Variants in INPP5D observed in about 807,000 individuals in gnomAD.
INPP5D encodes phosphatidylinositol 3,4,5-trisphosphate 5-phosphatase 1.
INPP5D carries 33 observed loss-of-function variants against 122.9 expected under a neutral mutation model. The ratio of observed to expected loss-of-function variants is 0.27; its 90% CI spans 0.20 to 0.36. The LOEUF is 0.36. INPP5D is among the 10% of genes least tolerant of loss of function. INPP5D has a pLI of 1.00. For missense variants in INPP5D, 1,053 were observed against 1,412.7 expected, an observed-to-expected ratio of 0.75 and a Z score of 4.08; for synonymous variants, 584 against 576.2, an observed-to-expected ratio of 1.01 and a Z score of -0.19.
intron 20 of INPP5D, 86 bp from the exon 21 acceptor site, chr2:233,185,757 A>C: frequency 1.9e-6 from 2 of 1,047,496 alleles, no homozygotes; most frequent in Non-Finnish European, 2.5e-6. Context: ...ACATCTTCCT[A>C]GGTCTGGGTG....
intron 3 of INPP5D, 90 bp downstream of exon 3, chr2:233,122,347 T>G: frequency 5.2e-6 from 7 of 1,355,500 alleles, no homozygotes; most frequent in Non-Finnish European, 7.1e-6. Flanking sequence ...TGAGTCCTAT[T>G]ATCAGAGGGA....
intron 3 of INPP5D, among the ~76,000 whole-genome samples, chr2:233,123,574 A>G (rs1182535363): frequency 1.3e-5 from 2 of 152,232 alleles, no homozygotes; most frequent in East Asian, 3.8e-4. Flanking sequence ...GCAGAGAAGG[A>G]GCTTACCTGG....
Position 233,170,959 on chromosome 2 carries a change from T to A in INPP5D, c.1901-105T>A. 177 of 1,082,258 alleles carry A rather than the reference T, an allele frequency of 1.6e-4. No individual in the cohort carries two copies. Among genetic ancestry groups the A allele is most frequent in the Middle Eastern group, 2.2e-4 (1 of 4,610 alleles). The allele number at this position is 1,082,258 out of a possible 1,614,324, so 67.0% of individuals were successfully genotyped here. A position where few individuals can be genotyped will look rare whatever the true frequency, so the allele number is the denominator to read the frequency against. ...TCTCCTCTTGGAGCCTTTCCAGCCATCCTTTCGTCCCCTTTCCCCTGATTT... is the reference window on the plus strand; with the variant it reads ...TCTCCTCTTGGAGCCTTTCCAGCCAACCTTTCGTCCCCTTTCCCCTGATTT... On this transcript the variant is annotated intron_variant, in intron 16 of 26. Coordinates refer to ENST00000445964, the MANE Select transcript of INPP5D (RefSeq NM_001017915.3). This position sits in a 1 kb window ranked among gnomAD's most constrained non-coding sequence, Gnocchi z 4.5.
At chr2:233,088,384 T>C (rs183548581) in intron 2 of INPP5D, among the ~76,000 whole-genome samples, 3 of 152,240 alleles carry the variant, frequency 2.0e-5, no homozygotes, top group Non-Finnish European at 2.9e-5. Flanking sequence ...TCCTGGGTCA[T>C]AAAGGCCTTG....
intron 6 of INPP5D, 103 bp from the exon 7 acceptor site, chr2:233,146,059 G>T (rs776077362): frequency 1.1e-5 from 8 of 703,622 alleles, no homozygotes; most frequent in Non-Finnish European, 2.1e-5. Context: ...TGGGGCTGCG[G>T]GGAGGCTGGA....
At chr2:233,199,061 C>A (rs13009927) in intron 25 of INPP5D, among the ~76,000 whole-genome samples, 1 of 151,878 alleles carries the variant, frequency 6.6e-6, no homozygotes, top group Non-Finnish European at 1.5e-5. Flanking sequence ...TCCAGCCTGG[C>A]CAACGTGGTG....
intron 18 of INPP5D, among the ~76,000 whole-genome samples, chr2:233,181,761 C>T (rs751679670): frequency 1.3e-5 from 2 of 152,148 alleles, no homozygotes; most frequent in Non-Finnish European, 2.9e-5. Flanking sequence ...GCTGAGTGGC[C>T]TTAAGTCCCC....
In INPP5D at chr2:233,204,384, G is replaced by T. The variant is rs764906056; in HGVS notation, c.3234G>T (p.Val1078=). Reference sequence around the variant, plus strand: ...GCGGCGAGGGGCCCGGCAAGCAGGTGCCCGCGCCCCGGCTGCGCTCCTTCA... The same window carrying T: ...GCGGCGAGGGGCCCGGCAAGCAGGTTCCCGCGCCCCGGCTGCGCTCCTTCA... ...ADRGEGPGKQ[V]PAPRLRSFTC... The change falls in exon 26 of 27, where the codon GTG becomes GTT. Residue 1078 remains valine, a synonymous_variant. Coordinates refer to ENST00000445964, the MANE Select transcript of INPP5D (RefSeq NM_001017915.3). 1.2e-6 allele frequency: 2 copies of T among 1,610,368 alleles called. No homozygotes were observed. The highest frequency in any genetic ancestry group is 4.5e-5 in the East Asian group (2 of 44,802).
intron 22 of INPP5D, among the ~76,000 whole-genome samples, chr2:233,191,645 G>A (rs887472299): frequency 3.9e-5 from 6 of 152,140 alleles, no homozygotes; most frequent in African/African-American, 9.7e-5. Flanking sequence ...AAGACCAAGC[G>A]TCTCTTAGAT....
At chr2:233,175,055 GTC>G (rs1559334863) in intron 17 of INPP5D, among the ~76,000 whole-genome samples, 1 of 151,236 alleles carries the variant, frequency 6.6e-6, no homozygotes, top group Non-Finnish European at 1.5e-5. Flanking sequence ...CGCGAAACCC[GTC>G]TCTATACAAA....
chr2:233,195,715 G>A lies in INPP5D; in HGVS notation c.2693+220G>A, dbSNP rs189123516. On this transcript the variant is annotated intron_variant, in intron 24 of 26. Coordinates refer to ENST00000445964, the MANE Select transcript of INPP5D (RefSeq NM_001017915.3). Reference sequence around the variant, plus strand: ...AATGTGGTGGTTCATGCCTGTAATCGCAGCACTTTGGGAGGCCAAGGCCGG... The same window carrying A: ...AATGTGGTGGTTCATGCCTGTAATCACAGCACTTTGGGAGGCCAAGGCCGG... 2.4e-3 allele frequency among the ~76,000 whole-genome samples: 360 copies of A among 152,082 alleles called. 1 individual carries two copies. The highest frequency in any genetic ancestry group is 8.4e-3 in the African/African-American group (348 of 41,486).
At chr2:233,079,999 G>T (rs1025972558) in intron 2 of INPP5D, among the ~76,000 whole-genome samples, 1 of 151,986 alleles carries the variant, frequency 6.6e-6, no homozygotes, top group Non-Finnish European at 1.5e-5. Context: ...GCGCCATGTC[G>T]GCTCCCTGCA....
intron 25 of INPP5D, among the ~76,000 whole-genome samples, chr2:233,202,295 T>G (rs934218222): frequency 3.3e-5 from 5 of 152,194 alleles, no homozygotes; most frequent in African/African-American, 1.2e-4. Flanking sequence ...GCAACGGCCT[T>G]TGAGGGTCCA....
At chr2:233,178,672 T>C (rs1694707404) in intron 18 of INPP5D, among the ~76,000 whole-genome samples, 1 of 151,944 alleles carries the variant, frequency 6.6e-6, no homozygotes, top group African/African-American at 2.4e-5. Flanking sequence ...TTAGTAGAGA[T>C]GGGGTTACAC....
Position 233,084,713 on chromosome 2 carries a change from G to A in INPP5D, c.198+5315G>A, listed in dbSNP as rs183462802. ...AAGTAAAGATTCCGTCTGAGCCGCC[G>A]GGCAAAGGATGTGGCTCTAACACAC... is the stretch of plus-strand genomic sequence containing the variant. On this transcript the variant is annotated intron_variant, in intron 2 of 26. Transcript: ENST00000445964. Among the ~76,000 whole-genome samples the A allele has an allele frequency of 3.5e-4, 54 of 152,356 alleles. 1 individual carries two copies. The highest frequency in any genetic ancestry group is 2.5e-4 in the Non-Finnish European group (17 of 68,034).
chr2:233,066,785 C>A (rs896011308), intron 1 of INPP5D, among the ~76,000 whole-genome samples: 1 of 145,498 alleles, frequency 6.9e-6, no homozygotes, highest in African/African-American at 2.6e-5. Flanking sequence ...TTTTTTTTTT[C>A]TTTTTGAGAC....
chr2:233,065,295 A>C (rs1160400207), intron 1 of INPP5D, among the ~76,000 whole-genome samples: 1 of 144,510 alleles, frequency 6.9e-6, no homozygotes, highest in Non-Finnish European at 1.5e-5. Flanking sequence ...GAACACAATC[A>C]GCACTTCTTG....
chr2:233,094,712 G>C (rs531359064), intron 2 of INPP5D, among the ~76,000 whole-genome samples: 2 of 151,874 alleles, frequency 1.3e-5, no homozygotes, highest in Admixed American at 6.6e-5. Context: ...TCCCAGACCC[G>C]GGAATTCAGA....
In INPP5D at chr2:233,206,512, G is replaced by A. The variant is rs1401507446; in HGVS notation, c.3568-194G>A. Among the ~76,000 whole-genome samples, 1 of 152,150 alleles carries A rather than the reference G, an allele frequency of 6.6e-6. No individual in the cohort carries two copies. Among genetic ancestry groups the A allele is most frequent in the Non-Finnish European group, 1.5e-5 (1 of 68,024 alleles). On this transcript the variant is annotated intron_variant, in intron 26 of 26. Transcript: ENST00000445964. The surrounding 1 kb of genome is among the most constrained non-coding windows in gnomAD (Gnocchi z 4.0). ...ACTGCACTCCAGACTAGGCAACAGA[G>A]TAAGACCCCATTTCTAAAAAACAAT...
Sources: gnomAD v4.1 joint callset for allele counts (sites outside exome capture counted in the v4.1 genomes callset) on GRCh38, gnomAD v4.1.1 for gene constraint, Gnocchi (gnomAD v3.1) non-coding constraint, MANE v1.5 for transcripts, NCBI Gene and HGNC (gene_info 2026-07-23, HGNC 2026-07-21) for gene names.